The following ARID5B variants were observed in gnomAD, a reference collection of about 807,000 sequenced individuals.
The protein encoded by ARID5B is AT-rich interactive domain-containing protein 5B.
Under a neutral mutation model 97.2 loss-of-function variants are expected in ARID5B, and 13 were observed. The ratio of observed to expected loss-of-function variants is 0.13; its 90% CI spans 0.09 to 0.21. The LOEUF is 0.21. Ranked by LOEUF, ARID5B falls within the 10% of genes least tolerant of loss-of-function variation. ARID5B has a pLI of 1.00. For synonymous variants in ARID5B, 556 were observed against 570.3 expected (o/e 0.97, Z 0.36); for missense variants, 1,210 against 1,465.3 (o/e 0.83, Z 2.84).
Position 62,093,640 on chromosome 10 carries a change from T to C in ARID5B, c.*610T>C, listed in dbSNP as rs1840419145. On this transcript the variant is annotated 3_prime_UTR_variant, in exon 10 of 10. Coordinates refer to ENST00000279873, the MANE Select transcript of ARID5B (RefSeq NM_032199.3). ...TACAGGTAGTTCCATTTTCTCCCAG[T>C]TCCTTCTCGTCTTTTTTTTTTTTTT... is the stretch of plus-strand genomic sequence containing the variant. The C allele has an allele frequency of 4.4e-6, 1 of 228,032 alleles. No homozygotes were observed. Among genetic ancestry groups the C allele is most frequent in the East Asian group, 6.2e-5 (1 of 16,202 alleles). The allele number at this position is 228,032 out of a possible 1,614,324, so 14.1% of individuals were successfully genotyped here.
chr10:61,908,599 A>G lies in ARID5B; in HGVS notation c.276+6186A>G, dbSNP rs138663368. 5.0e-3 allele frequency among the ~76,000 whole-genome samples: 761 copies of G among 152,172 alleles called. 6 individuals carry two copies. Among genetic ancestry groups the G allele is most frequent in the African/African-American group, 0.017 (717 of 41,514 alleles). On this transcript the variant is annotated intron_variant, in intron 2 of 9. Coordinates refer to ENST00000279873, the MANE Select transcript of ARID5B (RefSeq NM_032199.3). ...GAGGCAGGCAGATCACGAGATTGAG[A>G]ACATCCTGGCTAACATGGTGAAACC...
chr10:61,955,885 A>G (rs1056580466), intron 3 of ARID5B, among the ~76,000 whole-genome samples: 2 of 152,138 alleles, frequency 1.3e-5, no homozygotes, highest in East Asian at 1.9e-4. Context: ...TCCTGAGCTC[A>G]AGTGATCCAC....
At chr10:62,032,916 T>G (rs1839515564) in intron 4 of ARID5B, among the ~76,000 whole-genome samples, 1 of 152,124 alleles carries the variant, frequency 6.6e-6, no homozygotes, top group South Asian at 2.1e-4. Context: ...ACCTAGGGGC[T>G]TGCTTAAAGT....
At chr10:61,956,370 T>A (rs1838391691) in intron 3 of ARID5B, among the ~76,000 whole-genome samples, 1 of 152,160 alleles carries the variant, frequency 6.6e-6, no homozygotes, top group African/African-American at 2.4e-5. Context: ...TCCCACACAG[T>A]CCATGGAAAA....
At chr10:61,914,804 A>G (rs1252301226) in intron 2 of ARID5B, among the ~76,000 whole-genome samples, 1 of 152,206 alleles carries the variant, frequency 6.6e-6, no homozygotes, top group Non-Finnish European at 1.5e-5. Context: ...GTATTTTGAC[A>G]TTTCCATACT....
intron 4 of ARID5B, among the ~76,000 whole-genome samples, chr10:62,042,142 T>C (rs1485884241): frequency 2.6e-5 from 4 of 152,222 alleles, no homozygotes; most frequent in African/African-American, 9.6e-5. Flanking sequence ...AATATTATAT[T>C]TGTATTATAT....
intron 3 of ARID5B, among the ~76,000 whole-genome samples, chr10:61,962,933 G>T (rs1838491635): frequency 6.6e-6 from 1 of 152,172 alleles, no homozygotes; most frequent in South Asian, 2.1e-4. Context: ...AACTGCAGTG[G>T]TTTTTAATGT....
intron 2 of ARID5B, among the ~76,000 whole-genome samples, chr10:61,910,357 T>G (rs902875363): frequency 6.6e-6 from 1 of 152,214 alleles, no homozygotes; most frequent in Non-Finnish European, 1.5e-5. Flanking sequence ...TTATAGCCAG[T>G]GTAGTTGGAT....
At chr10:61,919,045 C>T (rs866348654) in intron 2 of ARID5B, among the ~76,000 whole-genome samples, 5 of 120,844 alleles carry the variant, frequency 4.1e-5, no homozygotes, top group East Asian at 2.5e-4. Context: ...GTCCCCCCCC[C>T]CCCCCCCAAA....
chr10:62,003,521 A>G (rs1049264724), intron 4 of ARID5B, among the ~76,000 whole-genome samples: 5 of 152,190 alleles, frequency 3.3e-5, no homozygotes, highest in South Asian at 2.1e-4. Context: ...ATTTTGGGTA[A>G]TGGCTGCCTT....
At position 62,096,120 on chromosome 10, in the gene ARID5B, AC is replaced by A. The variant is rs1840465877; in HGVS notation, c.*3091del. 1 of 233,466 alleles carries A rather than the reference AC, an allele frequency of 4.3e-6. No individual in the cohort carries two copies. The highest frequency in any genetic ancestry group is 5.6e-5 in the Admixed American group (1 of 17,776). The allele number at this position is 233,466 out of a possible 1,614,324, so 14.5% of individuals were successfully genotyped here. On this transcript the variant is annotated 3_prime_UTR_variant, in exon 10 of 10. Coordinates refer to ENST00000279873, the MANE Select transcript of ARID5B (RefSeq NM_032199.3). ...TCAAACTTGTAATATTTGCCACAGG[AC>A]TGACTTATTTATTTACTAGCTAGAA...
chr10:62,082,371 A>C (rs1403142610), intron 8 of ARID5B, among the ~76,000 whole-genome samples: 4 of 152,208 alleles, frequency 2.6e-5, no homozygotes, highest in African/African-American at 9.7e-5. Flanking sequence ...TGGATTTTCT[A>C]ATGAATATAT....
chr10:62,049,333 G>A, intron 4 of ARID5B: 1 of 1,518,982 alleles, frequency 6.6e-7, no homozygotes. Context: ...GGAGTTGTAA[G>A]CAGAGCGCTG....
chr10:61,958,311 C>T (rs999347025), intron 3 of ARID5B, among the ~76,000 whole-genome samples: 2 of 152,088 alleles, frequency 1.3e-5, no homozygotes, highest in Non-Finnish European at 2.9e-5. Flanking sequence ...CCCACTGCAA[C>T]CTCCGCCTCC....
intron 2 of ARID5B, among the ~76,000 whole-genome samples, chr10:61,937,117 G>A (rs1200196911): frequency 6.6e-6 from 1 of 152,222 alleles, no homozygotes; most frequent in African/African-American, 2.4e-5. Context: ...AAGTTTAAAT[G>A]TCTGGTGCCC....
intron 5 of ARID5B, among the ~76,000 whole-genome samples, chr10:62,054,780 A>G (rs1199166145): frequency 6.6e-6 from 1 of 151,354 alleles, no homozygotes; most frequent in Admixed American, 6.6e-5. Context: ...AGTTTTGTAC[A>G]CAAACCTGAG....
At chr10:61,909,782 T>C (rs1332914345) in intron 2 of ARID5B, among the ~76,000 whole-genome samples, 2 of 152,196 alleles carry the variant, frequency 1.3e-5, no homozygotes, top group Non-Finnish European at 2.9e-5. Context: ...TCACACTTCT[T>C]CTTTCTCTTC....
intron 4 of ARID5B, among the ~76,000 whole-genome samples, chr10:62,013,574 T>TCCCCAATTC (rs935691639): frequency 3.9e-5 from 6 of 152,080 alleles, no homozygotes; most frequent in African/African-American, 1.4e-4. Flanking sequence ...GAGCAACATC[T>TCCCCAATTC]CCCCAACTCC....
At chr10:62,042,024 G>C (rs969671242) in intron 4 of ARID5B, among the ~76,000 whole-genome samples, 4 of 152,140 alleles carry the variant, frequency 2.6e-5, no homozygotes, top group African/African-American at 9.7e-5. Flanking sequence ...TGTTTAAGAG[G>C]TTCTATCTGT....
Sources: allele counts gnomAD v4.1 joint callset (sites outside exome capture counted in the v4.1 genomes callset), GRCh38; gene constraint gnomAD v4.1.1; transcripts MANE v1.5; gene names NCBI Gene and HGNC (gene_info 2026-07-23, HGNC 2026-07-21).